RGS6: variants seen among roughly 807,000 people sequenced by gnomAD.
The protein encoded by RGS6 is regulator of G protein signaling 6.
RGS6 carries 30 observed loss-of-function variants against 78.5 expected under a neutral mutation model. The observed-to-expected ratio is 0.38, with a 90% CI of 0.29 to 0.52. The LOEUF is 0.52. Ranked by LOEUF, RGS6 falls within the 20% of genes least tolerant of loss-of-function variation. The pLI is 0.85. For missense variants in RGS6, 495 were observed against 609.7 expected (o/e 0.81, Z 1.98); for synonymous variants, 206 against 206.0 (o/e 1.00, Z 0.00).
chr14:72,376,972 G>T (rs144275812), intron 3 of RGS6, among the ~76,000 whole-genome samples: 36 of 152,040 alleles, frequency 2.4e-4, no homozygotes, highest in Non-Finnish European at 4.3e-4. Flanking sequence ...ACACCCAACT[G>T]CAAAAATAAG....
intron 2 of RGS6, among the ~76,000 whole-genome samples, chr14:72,029,835 C>T (rs936073916): frequency 6.6e-6 from 1 of 152,140 alleles, no homozygotes; most frequent in East Asian, 1.9e-4. Context: ...TGATGAGAAC[C>T]AGCTCATTTG....
intron 3 of RGS6, among the ~76,000 whole-genome samples, chr14:72,414,493 C>A (rs1390833811): frequency 2.0e-5 from 3 of 152,128 alleles, no homozygotes; most frequent in South Asian, 2.1e-4. Flanking sequence ...TTTTTAACTT[C>A]TTTGCCATTG....
At position 72,476,809 on chromosome 14, in the gene RGS6, G is replaced by A. The variant is rs542495277; in HGVS notation, c.761G>A (p.Arg254Lys). Residue 254 changes from arginine to lysine, a missense_variant, in exon 11 of 18, where the codon AGG (arginine) becomes AAG (lysine). Physicochemically the swap from Arg to Lys is conservative, Grantham distance 26. Transcript: ENST00000553525. ...SPVHVLSQPI[R>K]KTTKEDIRKQ... ...GTGCATGTACTCAGCCAACCAATCA[G>A]GAAAACAACAAAAGAGGACATCCGG... 47 of 1,614,162 alleles carry A rather than the reference G, an allele frequency of 2.9e-5. 2 individuals carry two copies. The South Asian group carries it at 5.1e-4, about 17-fold the overall frequency.
At chr14:72,430,145 CA>C (rs1422750618) in intron 3 of RGS6, among the ~76,000 whole-genome samples, 1 of 152,178 alleles carries the variant, frequency 6.6e-6, no homozygotes, top group East Asian at 1.9e-4. Flanking sequence ...GGAGAAAATG[CA>C]AAGTACATAT....
At chr14:72,425,111 A>G (rs377036703) in intron 3 of RGS6, among the ~76,000 whole-genome samples, 2 of 152,244 alleles carry the variant, frequency 1.3e-5, no homozygotes, top group African/African-American at 2.4e-5. Context: ...GGCAGAAACC[A>G]TAAAAGAAAG....
At chr14:71,872,549 G>A in the RGS6 span, among the ~76,000 whole-genome samples, 1 of 152,160 alleles carries the variant, frequency 6.6e-6, no homozygotes, top group African/African-American at 2.4e-5. Flanking sequence ...TACTCCAACT[G>A]CATAGAACTC....
intron 3 of RGS6, among the ~76,000 whole-genome samples, chr14:72,382,032 T>TA (rs200869081): frequency 0.031 from 4,742 of 152,100 alleles, 94 homozygotes; most frequent in Admixed American, 0.072. Context: ...AATGGCTTCT[T>TA]AAAAAGCCAT....
chr14:72,053,265 G>T, intron 2 of RGS6, among the ~76,000 whole-genome samples: 1 of 150,574 alleles, frequency 6.6e-6, no homozygotes, highest in Admixed American at 6.6e-5. Context: ...GGCTACAGCT[G>T]CCCACCACCA....
At chr14:72,097,239 G>A (rs1057448868) in intron 2 of RGS6, among the ~76,000 whole-genome samples, 3 of 152,162 alleles carry the variant, frequency 2.0e-5, no homozygotes, top group Non-Finnish European at 2.9e-5. Context: ...AACCAACACT[G>A]AGCTTTGAGG....
At chr14:72,008,428 G>T (rs1462331486) in intron 2 of RGS6, among the ~76,000 whole-genome samples, 1 of 152,144 alleles carries the variant, frequency 6.6e-6, no homozygotes, top group Non-Finnish European at 1.5e-5. Context: ...GAGCCAAAGG[G>T]TGTCCTGTGT....
At chr14:71,883,521 A>G in the RGS6 span, among the ~76,000 whole-genome samples, 1 of 152,100 alleles carries the variant, frequency 6.6e-6, no homozygotes, top group Non-Finnish European at 1.5e-5. Context: ...CATCTAAACC[A>G]GAGCGACTCC....
intron 2 of RGS6, among the ~76,000 whole-genome samples, chr14:72,319,339 T>C (rs376906679): frequency 6.6e-6 from 1 of 150,648 alleles, no homozygotes; most frequent in Non-Finnish European, 1.5e-5. Context: ...TCCAGAGAAC[T>C]GAAGGGGGAA....
chr14:72,577,497 C>T, the RGS6 span, among the ~76,000 whole-genome samples: 2 of 152,140 alleles, frequency 1.3e-5, no homozygotes, highest in South Asian at 4.1e-4. Context: ...TGAAAAACAC[C>T]CATCTTGAGT....
chr14:71,912,302 T>A, the RGS6 span, among the ~76,000 whole-genome samples: 3 of 152,272 alleles, frequency 2.0e-5, no homozygotes, highest in Admixed American at 6.5e-5. Context: ...GGAACTCAAT[T>A]TTTAAGGTTT....
chr14:71,868,414 C>A, the RGS6 span, among the ~76,000 whole-genome samples: 1 of 152,130 alleles, frequency 6.6e-6, no homozygotes, highest in African/African-American at 2.4e-5. Context: ...CAGCAGAAAG[C>A]AGGGACTGGA....
At chr14:72,569,891 G>A (rs1456857828), downstream of RGS6, among the ~76,000 whole-genome samples, 5 of 152,166 alleles carry the variant, frequency 3.3e-5, no homozygotes, top group South Asian at 4.1e-4. Context: ...AGAGCTTAGC[G>A]TCTAGGTCAT....
intron 2 of RGS6, among the ~76,000 whole-genome samples, chr14:72,183,038 A>G (rs1253236035): frequency 3.3e-5 from 5 of 152,238 alleles, no homozygotes; most frequent in Non-Finnish European, 5.9e-5. Flanking sequence ...TAGAGACCAC[A>G]TGAAAGTAGA....
At chr14:72,626,892 T>G in the RGS6 span, among the ~76,000 whole-genome samples, 1 of 151,954 alleles carries the variant, frequency 6.6e-6, no homozygotes, top group African/African-American at 2.4e-5. Context: ...AAATGATATC[T>G]CAGCTTTGAG....
chr14:72,231,672 TATAAG>T (rs2049639323), intron 2 of RGS6, among the ~76,000 whole-genome samples: 1 of 152,150 alleles, frequency 6.6e-6, no homozygotes, highest in Non-Finnish European at 1.5e-5. Context: ...ATGCTAGACT[TATAAG>T]AGAAACCCTT....
Sources: gnomAD v4.1 joint callset for allele counts (sites outside exome capture counted in the v4.1 genomes callset) on GRCh38, gnomAD v4.1.1 for gene constraint, MANE v1.5 for transcripts, NCBI Gene and HGNC (gene_info 2026-07-23, HGNC 2026-07-21) for gene names.